C11orf65: variants seen among roughly 807,000 people sequenced by gnomAD.
The protein encoded by C11orf65 is protein MFI.
A neutral mutation model predicts 35.3 loss-of-function variants in C11orf65; 38 were observed. The observed-to-expected ratio is 1.08, with a 90% CI of 0.83 to 1.41. The LOEUF (loss-of-function observed/expected upper bound fraction) is 1.41. Among genes scored for constraint, C11orf65 ranks in the 40% most tolerant of loss-of-function variants. The pLI, the probability that C11orf65 is intolerant of heterozygous loss-of-function variation, is 0.00. For missense variants in C11orf65, 370 were observed against 367.1 expected, an observed-to-expected ratio of 1.01 and a Z score of -0.06; for synonymous variants, 105 against 114.4, an observed-to-expected ratio of 0.92 and a Z score of 0.53.
chr11:108,466,649 T>G (rs975007099), intron 1 of C11orf65, among the ~76,000 whole-genome samples: 10 of 152,248 alleles, frequency 6.6e-5, no homozygotes, highest in Non-Finnish European at 1.2e-4. Context: ...AGTATTTTAC[T>G]ACACCCATGT....
intron 2 of C11orf65, among the ~76,000 whole-genome samples, chr11:108,458,502 G>A (rs1235161751): frequency 1.3e-5 from 2 of 152,118 alleles, no homozygotes; most frequent in African/African-American, 2.4e-5. Flanking sequence ...AAATCATGCA[G>A]TGGTGAACAG....
At chr11:108,402,793 A>G (rs1287705406) in intron 6 of C11orf65, among the ~76,000 whole-genome samples, 3 of 151,946 alleles carry the variant, frequency 2.0e-5, no homozygotes, top group African/African-American at 4.8e-5. Flanking sequence ...GTCACTTCAG[A>G]TTTGTGTCTT....
chr11:108,310,302 G>T lies in C11orf65; in HGVS notation c.641-1231C>A, dbSNP rs1156785681. ...CTATGCAGATAAGAAAAGTATGGAT[G>T]ATCAAGAGAAAAGGTAATGGAATTT... On this transcript the variant is annotated intron_variant, in intron 6 of 6. Coordinates refer to the C11orf65 transcript ENST00000525729. 1 of 1,613,084 alleles carries T rather than the reference G, an allele frequency of 6.2e-7. No individual in the cohort carries two copies. The highest frequency in any genetic ancestry group is 1.7e-5 in the Admixed American group (1 of 59,994).
chr11:108,437,278 A>T (rs1316678113), intron 2 of C11orf65, among the ~76,000 whole-genome samples: 1 of 151,142 alleles, frequency 6.6e-6, no homozygotes, highest in Non-Finnish European at 1.5e-5. Flanking sequence ...CAGAGCAAGA[A>T]CTTGCCTCTC....
At chr11:108,416,510 C>T (rs1291505176) in intron 3 of C11orf65, among the ~76,000 whole-genome samples, 1 of 152,080 alleles carries the variant, frequency 6.6e-6, no homozygotes, top group African/African-American at 2.4e-5. Context: ...TGGTGAAACC[C>T]CGTCTCTACT....
intron 2 of C11orf65, among the ~76,000 whole-genome samples, chr11:108,443,251 G>A (rs1365065775): frequency 6.6e-6 from 1 of 152,140 alleles, no homozygotes; most frequent in Non-Finnish European, 1.5e-5. Flanking sequence ...ATTATAAAGG[G>A]ATCAATTCAA....
At chr11:108,359,966 T>TA (rs2090505942) in intron 2 of C11orf65, among the ~76,000 whole-genome samples, 1 of 151,364 alleles carries the variant, frequency 6.6e-6, no homozygotes, top group Admixed American at 6.6e-5. Context: ...CTGAAGGAAA[T>TA]AGAGACACAA....
intron 2 of C11orf65, among the ~76,000 whole-genome samples, chr11:108,432,950 C>T (rs2093009987): frequency 6.6e-6 from 1 of 152,124 alleles, no homozygotes; most frequent in Admixed American, 6.6e-5. Flanking sequence ...TTCTCTCTTC[C>T]TGTGGGTTGA....
chr11:108,374,892 G>A (rs372559441), intron 2 of C11orf65, among the ~76,000 whole-genome samples: 1 of 152,078 alleles, frequency 6.6e-6, no homozygotes, highest in Non-Finnish European at 1.5e-5. Context: ...TATCAGCAAT[G>A]GAAAATGAAA....
chr11:108,436,827 T>C (rs931719043), intron 2 of C11orf65, among the ~76,000 whole-genome samples: 3 of 152,094 alleles, frequency 2.0e-5, no homozygotes, highest in African/African-American at 7.2e-5. Context: ...ATCTGAGTGC[T>C]GAGGGGGGAA....
intron 2 of C11orf65, among the ~76,000 whole-genome samples, chr11:108,374,678 C>T (rs1456933885): frequency 4.6e-5 from 7 of 152,270 alleles, no homozygotes; most frequent in Admixed American, 2.0e-4. Context: ...TTCAGATGAT[C>T]AAACTACTCC....
chr11:108,398,592 A>C (rs1172971665), intron 6 of C11orf65, among the ~76,000 whole-genome samples: 2 of 152,246 alleles, frequency 1.3e-5, no homozygotes, highest in Non-Finnish European at 2.9e-5. Context: ...AACGCATATT[A>C]TTCTTCATGT....
At chr11:108,469,164 C>T (rs531784867), upstream of C11orf65, among the ~76,000 whole-genome samples, 6 of 150,834 alleles carry the variant, frequency 4.0e-5, no homozygotes, top group East Asian at 3.9e-4. Context: ...TGCAGTGAGC[C>T]GAGATAGCGC....
At chr11:108,317,613 TTTTATATATATATATATATATA>T in intron 6 of C11orf65, 1 of 270,314 alleles carries the variant, frequency 3.7e-6, no homozygotes, top group Non-Finnish European at 6.4e-6. Flanking sequence ...ACAGGAGTTG[TTTTATATATATATATATATATA>T]TATATATATA....
intron 7 of C11orf65, among the ~76,000 whole-genome samples, chr11:108,391,865 C>T (rs2092170007): frequency 6.6e-6 from 1 of 151,574 alleles, no homozygotes; most frequent in African/African-American, 2.4e-5. Context: ...TTGTGATTGG[C>T]TTCTTTCACT....
chr11:108,444,452 T>C (rs1487683280), intron 2 of C11orf65, among the ~76,000 whole-genome samples: 1 of 152,134 alleles, frequency 6.6e-6, no homozygotes, highest in African/African-American at 2.4e-5. Context: ...GAAGGAATCC[T>C]CCCTAACTCA....
chr11:108,462,658 A>G (rs545228498), intron 1 of C11orf65: 1 of 152,352 alleles, frequency 6.6e-6, no homozygotes, highest in African/African-American at 2.4e-5. Context: ...GGTCAAATAT[A>G]AAAGGAAAAA....
At chr11:108,458,857 G>A (rs1423745723) in intron 2 of C11orf65, among the ~76,000 whole-genome samples, 1 of 152,080 alleles carries the variant, frequency 6.6e-6, no homozygotes, top group East Asian at 1.9e-4. Context: ...CAGCCTTTCT[G>A]GTAAATGGAA....
chr11:108,415,740 G>C (rs549529266), intron 3 of C11orf65, among the ~76,000 whole-genome samples: 1 of 152,300 alleles, frequency 6.6e-6, no homozygotes, highest in East Asian at 1.9e-4. Flanking sequence ...TCAAGACACT[G>C]TGGTACTGGT....
Sources: allele counts gnomAD v4.1 joint callset (sites outside exome capture counted in the v4.1 genomes callset), GRCh38; gene constraint gnomAD v4.1.1; transcripts MANE v1.5; gene names NCBI Gene and HGNC (gene_info 2026-07-23, HGNC 2026-07-21).